Variants in MACROD2 observed in about 807,000 individuals in gnomAD.
The protein encoded by MACROD2 is ADP-ribose glycohydrolase MACROD2.
In MACROD2, 36 loss-of-function variants were observed where a neutral mutation model predicts 70.4. That is an observed-to-expected ratio of 0.51 (90% CI 0.39 to 0.68). The LOEUF is 0.68. Among genes scored for constraint, MACROD2 ranks in the 30% least tolerant of loss-of-function variants. The pLI is 0.00. For synonymous variants in MACROD2, 172 were observed against 178.8 expected (o/e 0.96, Z 0.30); for missense variants, 496 against 538.4 (o/e 0.92, Z 0.78).
At chr20:14,330,291 G>C (rs1057137230) in intron 3 of MACROD2, among the ~76,000 whole-genome samples, 5 of 152,022 alleles carry the variant, frequency 3.3e-5, no homozygotes, top group Non-Finnish European at 7.4e-5. Flanking sequence ...TGAGAGTTTA[G>C]AGGAGGTGAG....
intron 7 of MACROD2, among the ~76,000 whole-genome samples, chr20:15,438,612 CATT>C (rs1302520657): frequency 1.8e-4 from 21 of 117,102 alleles, no homozygotes; most frequent in Non-Finnish European, 3.0e-4. Context: ...CCTTGGTGGT[CATT>C]ATACTTTCTG....
At chr20:14,484,588 C>T (rs967217038) in intron 3 of MACROD2, among the ~76,000 whole-genome samples, 4 of 151,834 alleles carry the variant, frequency 2.6e-5, no homozygotes, top group African/African-American at 9.7e-5. Context: ...CTCCACCCCT[C>T]GAATACCCTT....
At position 15,234,222 on chromosome 20, in the gene MACROD2, C is replaced by T. The variant is rs1332260232; in HGVS notation, c.540+4161C>T. ...AATTTTTTTGTATTTTTAGTAGAGA[C>T]GGGGTTTCACCGTGTTAGCCAGGAT... On this transcript the variant is annotated intron_variant, in intron 6 of 17. Coordinates refer to ENST00000684519, the MANE Select transcript of MACROD2 (RefSeq NM_001351661.2). 3.4e-5 allele frequency among the ~76,000 whole-genome samples: 5 copies of T among 146,092 alleles called. No individual in the cohort carries two copies. The East Asian group carries it at 6.0e-4, about 17-fold the overall frequency.
intron 5 of MACROD2, among the ~76,000 whole-genome samples, chr20:15,035,055 A>G (rs990928818): frequency 6.6e-6 from 1 of 152,138 alleles, no homozygotes; most frequent in Non-Finnish European, 1.5e-5. Context: ...AGGATTCAAG[A>G]AGCCCATTTT....
intron 3 of MACROD2, among the ~76,000 whole-genome samples, chr20:14,095,020 C>A (rs540740670): frequency 2.8e-4 from 42 of 152,248 alleles, no homozygotes; most frequent in African/African-American, 9.9e-4. Flanking sequence ...CCCTTCCTAG[C>A]AGTTCCTGCC....
chr20:15,465,663 GGGGCA>G (rs1358451058), intron 7 of MACROD2, among the ~76,000 whole-genome samples: 1 of 152,226 alleles, frequency 6.6e-6, no homozygotes, highest in African/African-American at 2.4e-5. Context: ...ATGAGAAAAC[GGGGCA>G]ACCCTGCAGG....
intron 4 of MACROD2, among the ~76,000 whole-genome samples, chr20:14,658,622 GT>G: frequency 6.6e-6 from 1 of 152,086 alleles, no homozygotes; most frequent in South Asian, 2.1e-4. Context: ...TTGTTTGTTT[GT>G]TTTTTTGGGA....
At chr20:14,787,263 C>T (rs765211099) in intron 5 of MACROD2, among the ~76,000 whole-genome samples, 1 of 151,766 alleles carries the variant, frequency 6.6e-6, no homozygotes, top group Non-Finnish European at 1.5e-5. Context: ...TTTAAATGAT[C>T]GTTTTTGAAA....
At chr20:16,016,745 A>C (rs1172076475) in intron 15 of MACROD2, among the ~76,000 whole-genome samples, 1 of 152,184 alleles carries the variant, frequency 6.6e-6, no homozygotes, top group African/African-American at 2.4e-5. Context: ...CATGTTGGCC[A>C]TGCTGGTCTC....
At chr20:16,021,687 C>A (rs11696334) in intron 15 of MACROD2, among the ~76,000 whole-genome samples, 1 of 151,946 alleles carries the variant, frequency 6.6e-6, no homozygotes, top group Admixed American at 6.5e-5. Flanking sequence ...ATGAGGTAGG[C>A]GTGGGTTTTC....
At chr20:14,133,955 G>A (rs1043352366) in intron 3 of MACROD2, among the ~76,000 whole-genome samples, 2 of 152,194 alleles carry the variant, frequency 1.3e-5, no homozygotes, top group Non-Finnish European at 2.9e-5. Context: ...TATCTATTTT[G>A]GCCCAGCTAG....
chr20:14,568,039 A>C (rs961904785), intron 4 of MACROD2, among the ~76,000 whole-genome samples: 5 of 152,054 alleles, frequency 3.3e-5, no homozygotes, highest in African/African-American at 1.2e-4. Flanking sequence ...ACACTGTCAT[A>C]AGGCATAATG....
At chr20:15,890,378 C>T (rs1399205546) in intron 10 of MACROD2, among the ~76,000 whole-genome samples, 1 of 152,108 alleles carries the variant, frequency 6.6e-6, no homozygotes, top group African/African-American at 2.4e-5. Context: ...TTCTTGATCC[C>T]AGTTGCAGAC....
At chr20:16,015,241 A>G (rs1213269410) in intron 15 of MACROD2, among the ~76,000 whole-genome samples, 1 of 152,216 alleles carries the variant, frequency 6.6e-6, no homozygotes, top group Admixed American at 6.5e-5. Context: ...TTTAAATACC[A>G]TGTGTTAAGT....
intron 4 of MACROD2, among the ~76,000 whole-genome samples, chr20:14,534,646 C>A (rs780367576): frequency 6.6e-6 from 1 of 152,094 alleles, no homozygotes; most frequent in Non-Finnish European, 1.5e-5. Context: ...TGGATCAGAT[C>A]CTCAGAGTCT....
intron 4 of MACROD2, among the ~76,000 whole-genome samples, chr20:14,506,418 A>G (rs958470782): frequency 1.3e-5 from 2 of 152,198 alleles, no homozygotes; most frequent in Non-Finnish European, 2.9e-5. Flanking sequence ...ATGGAAGTCT[A>G]TCTGGCTCTA....
chr20:15,096,268 A>T (rs2075831327), intron 5 of MACROD2, among the ~76,000 whole-genome samples: 1 of 151,986 alleles, frequency 6.6e-6, no homozygotes, highest in Admixed American at 6.6e-5. Flanking sequence ...AGTCCCCTGC[A>T]GGGTACTCTA....
chr20:14,940,148 C>CAAAAAA (rs57697517), intron 5 of MACROD2, among the ~76,000 whole-genome samples: 59 of 55,042 alleles, frequency 1.1e-3, no homozygotes, highest in East Asian at 2.8e-3. Context: ...CTCATCTCTG[C>CAAAAAA]AAAAAAAAAA....
chr20:14,319,302 A>AT (rs1301074380), intron 3 of MACROD2, among the ~76,000 whole-genome samples: 2 of 152,160 alleles, frequency 1.3e-5, no homozygotes, highest in Non-Finnish European at 1.5e-5. Flanking sequence ...TATTTCAGGC[A>AT]TCCTAGAGCC....
Sources: gnomAD v4.1 joint callset for allele counts (sites outside exome capture counted in the v4.1 genomes callset) on GRCh38, gnomAD v4.1.1 for gene constraint, MANE v1.5 for transcripts, NCBI Gene and HGNC (gene_info 2026-07-23, HGNC 2026-07-21) for gene names.